Variants in CAMTA1 observed in about 807,000 individuals in gnomAD.
The protein encoded by CAMTA1 is calmodulin-binding transcription activator 1.
In CAMTA1, 27 loss-of-function variants were observed where a neutral mutation model predicts 170.9. That is an observed-to-expected ratio of 0.16 (90% confidence interval 0.12 to 0.22). CAMTA1 has a LOEUF of 0.22. CAMTA1 is among the 10% of genes least tolerant of loss of function. CAMTA1 has a pLI of 1.00. For missense variants in CAMTA1, 1,619 were observed against 2,217.2 expected, an observed-to-expected ratio of 0.73 and a Z score of 5.42; for synonymous variants, 833 against 891.5, an observed-to-expected ratio of 0.93 and a Z score of 1.17.
rs1659715526 is a variant in CAMTA1 at position 7,216,165 on chromosome 1, G to A, written c.303-33326G>A. ...GAGCAGGAGGAAGAGGGTGAAGGGG[G>A]AGGTCCTGCACTCTTCCAAACAACC... On this transcript the variant is annotated intron_variant, in intron 4 of 22. Transcript: ENST00000303635. The surrounding 1 kb of genome is among the most constrained non-coding windows in gnomAD (Gnocchi z 4.0). Among the ~76,000 whole-genome samples, 1 of 152,148 alleles carries A rather than the reference G, an allele frequency of 6.6e-6. No individual in the cohort carries two copies. The highest frequency in any genetic ancestry group is 2.4e-5 in the African/African-American group (1 of 41,434).
At chr1:6,791,761 CTTTT>C (rs1464076631) in intron 1 of CAMTA1, among the ~76,000 whole-genome samples, 1 of 152,110 alleles carries the variant, frequency 6.6e-6, no homozygotes, top group Non-Finnish European at 1.5e-5. Flanking sequence ...TATAATCTTT[CTTTT>C]TATTTTTCTT....
intron 3 of CAMTA1, among the ~76,000 whole-genome samples, chr1:6,908,013 T>A (rs1678915660): frequency 6.6e-6 from 1 of 152,206 alleles, no homozygotes; most frequent in South Asian, 2.1e-4. Context: ...TTTCCTTGCC[T>A]ACTGGAGCCA....
intron 5 of CAMTA1, among the ~76,000 whole-genome samples, chr1:7,275,160 A>AAG (rs1207756627): frequency 2.0e-5 from 3 of 150,794 alleles, no homozygotes; most frequent in Admixed American, 1.3e-4. Flanking sequence ...AAAAAAAAAA[A>AAG]AAAGAAGAAA....
chr1:6,835,865 A>G (rs1211955778), intron 3 of CAMTA1, among the ~76,000 whole-genome samples: 1 of 152,236 alleles, frequency 6.6e-6, no homozygotes, highest in Non-Finnish European at 1.5e-5. Flanking sequence ...GTCTTGACAT[A>G]TAGGAAGCTC....
chr1:6,898,229 G>C (rs1383516201), intron 3 of CAMTA1, among the ~76,000 whole-genome samples: 1 of 152,090 alleles, frequency 6.6e-6, no homozygotes, highest in Non-Finnish European at 1.5e-5. Context: ...TCCATCTGTT[G>C]CCCATTCCTC....
chr1:7,582,707 C>T (rs2095271773), intron 6 of CAMTA1, among the ~76,000 whole-genome samples: 1 of 152,092 alleles, frequency 6.6e-6, no homozygotes, highest in Non-Finnish European at 1.5e-5. Flanking sequence ...TTTAAGAACA[C>T]TTCCTGGAAC....
At chr1:7,355,839 G>A (rs573326404) in intron 5 of CAMTA1, among the ~76,000 whole-genome samples, 23 of 230 alleles carry the variant, frequency 0.1, no homozygotes, top group South Asian at 0.36. Context: ...GGTTCTTGGC[G>A]TTGCACATCT....
intron 3 of CAMTA1, among the ~76,000 whole-genome samples, chr1:6,909,421 G>T (rs1368602562): frequency 6.6e-6 from 1 of 152,216 alleles, no homozygotes; most frequent in East Asian, 1.9e-4. Context: ...GTTGGAAGCA[G>T]GCACAATTTG....
chr1:7,455,653 G>A lies in CAMTA1; in HGVS notation c.439-12177G>A, dbSNP rs896406139. On this transcript the variant is annotated intron_variant, in intron 5 of 22. Transcript: ENST00000303635. This position sits in a 1 kb window ranked among gnomAD's most constrained non-coding sequence, Gnocchi z 5.0. ...GTTGGAGTGTGCCGTGGATACCTACGTGGCGTCACAGGTGCCTAGAGCGGG... is the reference window on the plus strand; with the variant it reads ...GTTGGAGTGTGCCGTGGATACCTACATGGCGTCACAGGTGCCTAGAGCGGG... Among the ~76,000 whole-genome samples, 6 of 152,220 alleles carry A rather than the reference G, an allele frequency of 3.9e-5. No homozygotes were observed. The highest frequency in any genetic ancestry group is 2.1e-4 in the South Asian group (1 of 4,826).
chr1:7,538,519 C>G (rs560213726), intron 6 of CAMTA1, among the ~76,000 whole-genome samples: 1 of 152,202 alleles, frequency 6.6e-6, no homozygotes, highest in African/African-American at 2.4e-5. Context: ...GGTGTGATGG[C>G]AAGTGCTTGT....
At chr1:7,710,910 G>A (rs1042638550) in intron 11 of CAMTA1, among the ~76,000 whole-genome samples, 2 of 152,104 alleles carry the variant, frequency 1.3e-5, no homozygotes, top group Non-Finnish European at 2.9e-5. Flanking sequence ...CCCATCTTGA[G>A]TCACGTGTCT....
At chr1:6,799,197 A>G (rs1643325520) in intron 1 of CAMTA1, among the ~76,000 whole-genome samples, 1 of 152,142 alleles carries the variant, frequency 6.6e-6, no homozygotes, top group South Asian at 2.1e-4. Flanking sequence ...CCTCCTGAGT[A>G]GTGAGGACTA....
intron 5 of CAMTA1, among the ~76,000 whole-genome samples, chr1:7,270,287 A>ATT (rs1249476043): frequency 1.2e-4 from 13 of 111,536 alleles, no homozygotes; most frequent in East Asian, 5.2e-4. Flanking sequence ...ATATATATAT[A>ATT]TATATTTTTT....
chr1:7,136,841 A>G (rs1645572998), intron 4 of CAMTA1, among the ~76,000 whole-genome samples: 1 of 152,068 alleles, frequency 6.6e-6, no homozygotes. Context: ...TGTCCTGCTA[A>G]CCCCTTAAGG....
chr1:7,602,055 G>A (rs1205703923), intron 6 of CAMTA1, among the ~76,000 whole-genome samples: 4 of 149,376 alleles, frequency 2.7e-5, no homozygotes, highest in Non-Finnish European at 6.0e-5. Flanking sequence ...GAGGGAGAGG[G>A]AGAGGAGGAG....
chr1:7,315,930 A>G (rs1344705266), intron 5 of CAMTA1, among the ~76,000 whole-genome samples: 1 of 152,186 alleles, frequency 6.6e-6, no homozygotes, highest in African/African-American at 2.4e-5. Context: ...TAGAGGAAAG[A>G]GGTTTAATTG....
chr1:7,441,453 C>T (rs952034438), intron 5 of CAMTA1: 8 of 152,342 alleles, frequency 5.3e-5, no homozygotes, highest in African/African-American at 1.4e-4. Flanking sequence ...ACAGAGCTGT[C>T]TCTGTGGTGG....
intron 6 of CAMTA1, among the ~76,000 whole-genome samples, chr1:7,469,356 C>G (rs564447734): frequency 1.3e-5 from 2 of 152,346 alleles, no homozygotes; most frequent in East Asian, 3.9e-4. Flanking sequence ...AGAGGGTTTT[C>G]TCCTCTACCC....
At chr1:7,556,064 C>T (rs962934456) in intron 6 of CAMTA1, among the ~76,000 whole-genome samples, 8 of 152,132 alleles carry the variant, frequency 5.3e-5, no homozygotes, top group South Asian at 4.1e-4. Flanking sequence ...CAGAGGGAGC[C>T]GGGGGCAATG....
Sources: gnomAD v4.1 joint callset for allele counts (sites outside exome capture counted in the v4.1 genomes callset) on GRCh38, gnomAD v4.1.1 for gene constraint, Gnocchi (gnomAD v3.1) non-coding constraint, MANE v1.5 for transcripts, NCBI Gene and HGNC (gene_info 2026-07-23, HGNC 2026-07-21) for gene names.